Variants in KCNN2 observed in about 807,000 individuals in gnomAD.
The protein encoded by KCNN2 is small conductance calcium-activated potassium channel protein 2.
In KCNN2, 24 loss-of-function variants were observed where a neutral mutation model predicts 55.5. The observed-to-expected ratio is 0.43, with a 90% CI of 0.31 to 0.61. The LOEUF is 0.61. KCNN2 is among the 20% of genes least tolerant of loss of function. KCNN2 has a pLI of 0.08. For synonymous variants in KCNN2, 431 were observed against 336.1 expected (o/e 1.28, Z -3.09); for missense variants, 754 against 853.6 (o/e 0.88, Z 1.45).
In KCNN2 at chr5:114,130,263, T is replaced by C. The variant is rs543175306; in HGVS notation, c.-271+73763T>C. Among the ~76,000 whole-genome samples, 15 of 152,218 alleles carry C rather than the reference T, an allele frequency of 9.9e-5. 1 individual carries two copies. Among genetic ancestry groups the C allele is most frequent in the South Asian group, 6.2e-4 (3 of 4,830 alleles). ...CAGTTTATATATCCTTGGTTAGATA[T>C]AGATCTACTCAAACCTATATTTCTC... On this transcript the variant is annotated intron_variant, in intron 1 of 10. Coordinates refer to the KCNN2 transcript ENST00000512097.
At chr5:114,079,942 C>A (rs1220281211) in intron 1 of KCNN2, among the ~76,000 whole-genome samples, 1 of 151,890 alleles carries the variant, frequency 6.6e-6, no homozygotes. Flanking sequence ...TGTCCTAGTC[C>A]ACTCTGTCTC....
At chr5:114,321,823 C>T (rs1262875838) in intron 2 of KCNN2, among the ~76,000 whole-genome samples, 1 of 152,072 alleles carries the variant, frequency 6.6e-6, no homozygotes, top group Non-Finnish European at 1.5e-5. Flanking sequence ...GCACGTGCCA[C>T]CATGCCCGGC....
In KCNN2 at chr5:114,478,478, G is replaced by A. The variant is rs533390927; in HGVS notation, c.1890+5314G>A. 2.0e-4 allele frequency among the ~76,000 whole-genome samples: 31 copies of A among 151,868 alleles called. No homozygotes were observed. In the East Asian group the frequency reaches 3.7e-3, roughly 18 times the overall value. On this transcript the variant is annotated intron_variant, in intron 5 of 7. Transcript: ENST00000673685. ...GTACTAAGTTGGAAAACATACTTCCGGATATCATCCAGGAGAATTTCCTCA... is the reference window on the plus strand; with the variant it reads ...GTACTAAGTTGGAAAACATACTTCCAGATATCATCCAGGAGAATTTCCTCA...
intron 6 of KCNN2, among the ~76,000 whole-genome samples, chr5:114,491,379 A>G (rs1747843811): frequency 6.6e-6 from 1 of 152,166 alleles, no homozygotes; most frequent in Non-Finnish European, 1.5e-5. Context: ...ATCCATTTTT[A>G]TACAAATGGA....
chr5:114,119,817 A>G (rs1034364641), intron 1 of KCNN2, among the ~76,000 whole-genome samples: 2 of 152,130 alleles, frequency 1.3e-5, no homozygotes, highest in African/African-American at 4.8e-5. Context: ...CTATAGCCCA[A>G]AGGTTCTGAC....
intron 1 of KCNN2, among the ~76,000 whole-genome samples, chr5:114,210,256 A>G (rs994799337): frequency 6.6e-6 from 1 of 152,134 alleles, no homozygotes; most frequent in Non-Finnish European, 1.5e-5. Context: ...TTCTAGTGCT[A>G]TTTTCTTGAG....
intron 2 of KCNN2, among the ~76,000 whole-genome samples, chr5:114,266,369 A>T (rs1474918703): frequency 6.6e-6 from 1 of 152,082 alleles, no homozygotes; most frequent in African/African-American, 2.4e-5. Context: ...CAAGTTACTG[A>T]GGGTTTGGGA....
intron 2 of KCNN2, among the ~76,000 whole-genome samples, chr5:114,397,563 T>G (rs1211607101): frequency 6.6e-6 from 1 of 152,160 alleles, no homozygotes; most frequent in Non-Finnish European, 1.5e-5. Context: ...ATTTTTGTAT[T>G]TTTAGTAGAG....
At chr5:114,469,865 A>G (rs1355548360) in intron 4 of KCNN2, among the ~76,000 whole-genome samples, 1 of 152,190 alleles carries the variant, frequency 6.6e-6, no homozygotes, top group Non-Finnish European at 1.5e-5. Flanking sequence ...CGATTTATTA[A>G]TCTAGGGAAG....
At chr5:114,118,377 C>T (rs1365138437) in intron 1 of KCNN2, among the ~76,000 whole-genome samples, 2 of 152,040 alleles carry the variant, frequency 1.3e-5, no homozygotes, top group South Asian at 4.1e-4. Context: ...ATTATGGAGG[C>T]CAAGACGTCC....
chr5:114,224,069 T>C (rs1418930533), intron 2 of KCNN2, among the ~76,000 whole-genome samples: 2 of 152,154 alleles, frequency 1.3e-5, no homozygotes, highest in Non-Finnish European at 2.9e-5. Context: ...AAGTATTCTT[T>C]CTCTCTCTTC....
chr5:114,344,344 C>A (rs1161784654), intron 2 of KCNN2, among the ~76,000 whole-genome samples: 1 of 152,136 alleles, frequency 6.6e-6, no homozygotes, highest in Non-Finnish European at 1.5e-5. Flanking sequence ...ATACTCACAG[C>A]AAAGAATGCA....
At chr5:114,428,096 C>T (rs188242781) in intron 3 of KCNN2, among the ~76,000 whole-genome samples, 4 of 152,238 alleles carry the variant, frequency 2.6e-5, no homozygotes, top group Admixed American at 2.6e-4. Context: ...AAGAGCGGGT[C>T]AAGGATTCTT....
chr5:114,132,235 A>G (rs895492122), intron 1 of KCNN2, among the ~76,000 whole-genome samples: 6 of 151,904 alleles, frequency 3.9e-5, no homozygotes, highest in African/African-American at 1.2e-4. Context: ...TAGTGCCTAG[A>G]TTTTCTTCTA....
chr5:114,362,522 G>T lies in KCNN2; in HGVS notation c.383G>T (p.Ser128Ile). 1 of 522,024 alleles carries T rather than the reference G, an allele frequency of 1.9e-6. No individual in the cohort carries two copies. Among genetic ancestry groups the T allele is most frequent in the South Asian group, 3.0e-5 (1 of 33,522 alleles). 32.3% of individuals were successfully genotyped at this position (522,024 alleles called of 1,614,324 possible). Residue 128 changes from serine to isoleucine, a missense_variant, in exon 1 of 8, where the codon AGC becomes ATC. By Grantham distance (142) the Ser-to-Ile change is moderately radical. Transcript: ENST00000673685. ...CGCCGGGGCAGCCAGCTCAATGTGA[G>T]CGAGCTGACGCCGTCCAGCCATGCC... ...SSRRGSQLNV[S>I]ELTPSSHASA...
At chr5:114,342,956 A>T (rs1757042958) in intron 2 of KCNN2, among the ~76,000 whole-genome samples, 1 of 152,176 alleles carries the variant, frequency 6.6e-6, no homozygotes, top group African/African-American at 2.4e-5. Flanking sequence ...CCCGTCAGCC[A>T]GGTCTTAAGC....
intron 1 of KCNN2, among the ~76,000 whole-genome samples, chr5:114,092,048 C>T (rs962930941): frequency 1.4e-4 from 22 of 152,168 alleles, no homozygotes; most frequent in African/African-American, 4.8e-4. Context: ...TTCATTCCAG[C>T]GTTAACCCAA....
At chr5:114,134,940 G>A (rs1752144404) in intron 1 of KCNN2, among the ~76,000 whole-genome samples, 2 of 152,026 alleles carry the variant, frequency 1.3e-5, no homozygotes, top group Admixed American at 6.5e-5. Flanking sequence ...TTAAAGATAG[G>A]GCATGAACCC....
chr5:114,163,351 G>A (rs1211623943), intron 1 of KCNN2, among the ~76,000 whole-genome samples: 1 of 152,112 alleles, frequency 6.6e-6, no homozygotes, highest in Non-Finnish European at 1.5e-5. Context: ...GTGAGAAAGG[G>A]CATCCTTGTG....
Sources: allele counts gnomAD v4.1 joint callset (sites outside exome capture counted in the v4.1 genomes callset), GRCh38; gene constraint gnomAD v4.1.1; transcripts MANE v1.5; gene names NCBI Gene and HGNC (gene_info 2026-07-23, HGNC 2026-07-21).